TANC2: variants seen among roughly 807,000 people sequenced by gnomAD.
TANC2 encodes protein TANC2.
A neutral mutation model predicts 210.5 loss-of-function variants in TANC2; 26 were observed. The observed-to-expected ratio is 0.12, with a 90% CI of 0.09 to 0.17. TANC2 has a LOEUF of 0.17. TANC2 is among the 10% of genes least tolerant of loss of function. The pLI is 1.00. For synonymous variants in TANC2, 931 were observed against 967.1 expected (o/e 0.96, Z 0.69); for missense variants, 2,129 against 2,608.9 (o/e 0.82, Z 4.01).
chr17:63,326,529 T>C (rs2045652589), intron 11 of TANC2, among the ~76,000 whole-genome samples: 1 of 152,000 alleles, frequency 6.6e-6, no homozygotes, highest in East Asian at 1.9e-4. Flanking sequence ...TGAAAAAATT[T>C]TACCAGCCTG....
intron 21 of TANC2, among the ~76,000 whole-genome samples, chr17:63,409,662 C>T (rs1018635653): frequency 7.9e-5 from 12 of 152,150 alleles, no homozygotes; most frequent in Non-Finnish European, 1.5e-4. Flanking sequence ...CTACTACACA[C>T]CTAGGCTGTA....
chr17:63,377,691 T>G (rs924567672), intron 14 of TANC2, among the ~76,000 whole-genome samples: 12 of 152,236 alleles, frequency 7.9e-5, no homozygotes, highest in African/African-American at 2.4e-4. Flanking sequence ...GTTACCCAGT[T>G]CCAAAGTTGC....
In TANC2 at chr17:63,140,379, T is replaced by A. The variant is rs535209275; in HGVS notation, c.323-10891T>A. 7.1e-4 allele frequency among the ~76,000 whole-genome samples: 108 copies of A among 152,344 alleles called. 1 individual carries two copies. The highest frequency in any genetic ancestry group is 2.5e-3 in the African/African-American group (106 of 41,586). On this transcript the variant is annotated intron_variant, in intron 4 of 27. Transcript: ENST00000689528. ...CATACAACAAATGTTGGTTTCTAAT[T>A]CACCCAACAAATGTTGGCAACTCTC...
intron 5 of TANC2, among the ~76,000 whole-genome samples, chr17:63,165,519 G>A (rs2040182488): frequency 6.6e-6 from 1 of 152,128 alleles, no homozygotes; most frequent in Admixed American, 6.5e-5. Flanking sequence ...ACGGTCTGTA[G>A]GTCTTTCCCA....
chr17:63,210,235 G>T (rs2041843197), intron 7 of TANC2, among the ~76,000 whole-genome samples: 1 of 152,158 alleles, frequency 6.6e-6, no homozygotes, highest in Non-Finnish European at 1.5e-5. Flanking sequence ...TTCCCTGCTG[G>T]GATGACTCTC....
intron 14 of TANC2, among the ~76,000 whole-genome samples, chr17:63,368,219 A>T (rs2047166655): frequency 6.6e-6 from 1 of 152,232 alleles, no homozygotes; most frequent in Non-Finnish European, 1.5e-5. Flanking sequence ...CCAACATAGA[A>T]CTTTCTGAAT....
intron 15 of TANC2, among the ~76,000 whole-genome samples, chr17:63,380,344 A>G (rs548304447): frequency 4.6e-5 from 7 of 152,340 alleles, no homozygotes; most frequent in South Asian, 4.1e-4. Context: ...TAAGAACTCT[A>G]TAACATCAGC....
rs1209675056 is a variant in TANC2 at position 63,420,950 on chromosome 17, C to T, written c.5220C>T (p.Ser1740=). Residue 1740 remains serine (S), a synonymous_variant, in exon 28 of 28, where the codon AGC becomes AGT. Transcript: ENST00000689528. This position sits in a 1 kb window ranked among gnomAD's most constrained non-coding sequence, Gnocchi z 4.2. The stretch of plus-strand genomic sequence containing the variant: ...AAGGAGACATAGGAGTCAGCCAGAG[C>T]CGGTTGGTTTATCAAGGGTCAATTG... The T allele has an allele frequency of 3.7e-6, 6 of 1,613,968 alleles. No homozygotes were observed. Among genetic ancestry groups the T allele is most frequent in the Non-Finnish European group, 5.1e-6 (6 of 1,179,886 alleles).
At chr17:63,210,810 GT>G (rs1180385643) in intron 7 of TANC2, among the ~76,000 whole-genome samples, 1 of 151,814 alleles carries the variant, frequency 6.6e-6, no homozygotes, top group African/African-American at 2.4e-5. Context: ...TTTAACTACT[GT>G]TTCTATGTAT....
At chr17:62,969,021 A>G (rs1242192609) in intron 1 of TANC2, among the ~76,000 whole-genome samples, 1 of 152,118 alleles carries the variant, frequency 6.6e-6, no homozygotes, top group Non-Finnish European at 1.5e-5. Flanking sequence ...GGAACCATGT[A>G]TAGGGAAAAG....
intron 2 of TANC2, among the ~76,000 whole-genome samples, chr17:63,032,650 A>C (rs542806872): frequency 6.6e-6 from 1 of 152,280 alleles, no homozygotes; most frequent in East Asian, 1.9e-4. Flanking sequence ...CTTAACAAAA[A>C]TACTTATCAA....
Position 63,412,616 on chromosome 17 carries a change from T to C in TANC2, c.3899-64T>C. ...CTGCTGCTTTTTCCTTCTTTTTTTT[T>C]TTTTCACCTTCATCCATTTTTTTTT... On this transcript the variant is annotated intron_variant, in intron 23 of 27. Transcript: ENST00000689528. This position sits in a 1 kb window ranked among gnomAD's most constrained non-coding sequence, Gnocchi z 4.2. 1 of 1,438,490 alleles carries C rather than the reference T, an allele frequency of 7.0e-7. No individual in the cohort carries two copies. The highest frequency in any genetic ancestry group is 9.4e-7 in the Non-Finnish European group (1 of 1,065,062). The allele number at this position is 1,438,490 out of a possible 1,614,324, so 89.1% of individuals were successfully genotyped here.
chr17:63,273,722 C>A (rs375952509), intron 9 of TANC2, among the ~76,000 whole-genome samples: 1 of 152,226 alleles, frequency 6.6e-6, no homozygotes, highest in African/African-American at 2.4e-5. Context: ...TCCTTCAATA[C>A]TGCCTCTCAC....
intron 15 of TANC2, among the ~76,000 whole-genome samples, chr17:63,386,243 G>A: frequency 6.6e-6 from 1 of 152,092 alleles, no homozygotes; most frequent in Non-Finnish European, 1.5e-5. Flanking sequence ...AACAGTGTAT[G>A]GACCTTATGT....
chr17:63,005,811 T>C (rs1372424264), intron 1 of TANC2, among the ~76,000 whole-genome samples: 3 of 152,026 alleles, frequency 2.0e-5, no homozygotes, highest in Non-Finnish European at 4.4e-5. Context: ...TCTTTTATTT[T>C]CTTAAATAAT....
At chr17:63,314,944 A>G (rs1180081102) in intron 10 of TANC2, among the ~76,000 whole-genome samples, 2 of 152,144 alleles carry the variant, frequency 1.3e-5, no homozygotes, top group African/African-American at 4.8e-5. Flanking sequence ...TGTCCTCTAG[A>G]TAACGACCGC....
rs148113771 is a variant in TANC2, at chr17:63,216,237, C to T, written c.769+15280C>T. On this transcript the variant is annotated intron_variant, in intron 7 of 27. Transcript: ENST00000689528. ...CTAATTTTTGTATTTTTAGTAGAGA[C>T]GGGGTTTCACCATGTTGGCCAGGCT... 7.9e-3 allele frequency among the ~76,000 whole-genome samples: 1,195 copies of T among 151,726 alleles called. 18 individuals are homozygous for T. The highest frequency in any genetic ancestry group is 0.027 in the African/African-American group (1,107 of 41,344).
At chr17:62,998,012 G>A (rs1000695539) in intron 1 of TANC2, among the ~76,000 whole-genome samples, 1 of 152,114 alleles carries the variant, frequency 6.6e-6, no homozygotes, top group Non-Finnish European at 1.5e-5. Flanking sequence ...CCAATACCAG[G>A]AATATAGGGA....
intron 4 of TANC2, among the ~76,000 whole-genome samples, chr17:63,113,619 C>T (rs1001565276): frequency 6.6e-6 from 1 of 152,088 alleles, no homozygotes; most frequent in African/African-American, 2.4e-5. Context: ...GAGATCTTCC[C>T]ACCTCAGCCT....
Sources: gnomAD v4.1 joint callset for allele counts (sites outside exome capture counted in the v4.1 genomes callset) on GRCh38, gnomAD v4.1.1 for gene constraint, Gnocchi (gnomAD v3.1) non-coding constraint, MANE v1.5 for transcripts, NCBI Gene and HGNC (gene_info 2026-07-23, HGNC 2026-07-21) for gene names.